MYT1L: variants seen among roughly 807,000 people sequenced by gnomAD.
MYT1L encodes the protein myelin transcription factor 1 like.
Under a neutral mutation model 126.7 loss-of-function variants are expected in MYT1L, and 12 were observed. That is an observed-to-expected ratio of 0.09 (90% CI 0.06 to 0.15). The LOEUF (loss-of-function observed/expected upper bound fraction) is 0.15, where lower values mean the gene tolerates loss of function less well. Ranked by LOEUF, MYT1L falls within the 10% of genes least tolerant of loss-of-function variation. MYT1L has a pLI of 1.00. For synonymous variants in MYT1L, 541 were observed against 604.2 expected (o/e 0.90, Z 1.53); for missense variants, 979 against 1,585.2 (o/e 0.62, Z 6.49).
chr2:2,268,963 G>A (rs1341427928), intron 2 of MYT1L, among the ~76,000 whole-genome samples: 1 of 152,168 alleles, frequency 6.6e-6, no homozygotes. Context: ...GCACACCTGA[G>A]CAGGTGTCTC....
chr2:1,853,844 A>G (rs1157889940), intron 18 of MYT1L, among the ~76,000 whole-genome samples: 1 of 152,234 alleles, frequency 6.6e-6, no homozygotes, highest in African/African-American at 2.4e-5. Context: ...ATTATAGCCA[A>G]ATAATTCAGT....
At chr2:1,956,191 GTCTATCTATCTATCTA>G (rs368487475) in intron 8 of MYT1L, among the ~76,000 whole-genome samples, 13 of 145,876 alleles carry the variant, frequency 8.9e-5, no homozygotes, top group Non-Finnish European at 1.9e-4. Flanking sequence ...TTACCTAGCT[GTCTATCTATCTATCTA>G]TCTATCTATC....
chr2:2,020,334 A>G (rs1480162271), intron 4 of MYT1L, among the ~76,000 whole-genome samples: 3 of 152,302 alleles, frequency 2.0e-5, no homozygotes, highest in South Asian at 2.1e-4. Context: ...ACACATACCT[A>G]TATTTCTCAA....
chr2:2,160,440 T>C (rs1263334959), intron 3 of MYT1L, among the ~76,000 whole-genome samples: 1 of 152,212 alleles, frequency 6.6e-6, no homozygotes, highest in African/African-American at 2.4e-5. Context: ...AAATTAAGAA[T>C]GATAGAGTAT....
At chr2:2,247,832 G>A (rs990015114) in intron 2 of MYT1L, among the ~76,000 whole-genome samples, 7 of 152,036 alleles carry the variant, frequency 4.6e-5, no homozygotes, top group Non-Finnish European at 8.8e-5. Flanking sequence ...AAACTTTCTT[G>A]AAACAAATGA....
chr2:2,020,035 A>G (rs1020015085), intron 4 of MYT1L, among the ~76,000 whole-genome samples: 14 of 151,888 alleles, frequency 9.2e-5, no homozygotes, highest in African/African-American at 3.4e-4. Flanking sequence ...TGTAGAGACG[A>G]GGTTTCACCA....
In MYT1L at chr2:1,922,214, T is replaced by G. The variant is rs1434408887; in HGVS notation, c.1483+72A>C. 3.2e-6 allele frequency: 5 copies of G among 1,549,996 alleles called. No individual in the cohort carries two copies. In the African/African-American group the frequency reaches 4.1e-5, roughly 13 times the overall value. The stretch of plus-strand genomic sequence containing the variant: ...TTCAGTGTGAGTCACACTTTAACTG[T>G]AGACTACCACCAACATCCTTTACCC... On this transcript the variant is annotated intron_variant, in intron 10 of 24. Coordinates refer to ENST00000647738, the MANE Select transcript of MYT1L (RefSeq NM_001303052.2). This position sits in a 1 kb window ranked among gnomAD's most constrained non-coding sequence, Gnocchi z 7.4.
chr2:1,843,720 G>A (rs1389368088), intron 19 of MYT1L, among the ~76,000 whole-genome samples: 1 of 152,102 alleles, frequency 6.6e-6, no homozygotes, highest in Non-Finnish European at 1.5e-5. Flanking sequence ...GGATTGCTGT[G>A]GGGGAAGCCG....
intron 8 of MYT1L, among the ~76,000 whole-genome samples, chr2:1,955,419 T>A (rs1434976825): frequency 6.6e-6 from 1 of 152,202 alleles, no homozygotes. Context: ...TACAATCACA[T>A]ATAAATATAT....
chr2:1,936,704 C>G (rs2055935509), intron 9 of MYT1L, among the ~76,000 whole-genome samples: 1 of 152,184 alleles, frequency 6.6e-6, no homozygotes. Flanking sequence ...CTTTCCTCAT[C>G]AGGGATATTT....
intron 8 of MYT1L, among the ~76,000 whole-genome samples, chr2:1,944,470 C>T (rs1445286731): frequency 6.6e-6 from 1 of 152,156 alleles, no homozygotes; most frequent in Non-Finnish European, 1.5e-5. Flanking sequence ...CATTATTCTG[C>T]AGGGTGAGAT....
intron 23 of MYT1L, among the ~76,000 whole-genome samples, chr2:1,800,703 CG>C (rs2034688780): frequency 6.6e-6 from 1 of 152,156 alleles, no homozygotes; most frequent in Non-Finnish European, 1.5e-5. Context: ...ATTTACAGAG[CG>C]GGGATAATAA....
At chr2:1,856,864 A>T (rs1572910493) in intron 18 of MYT1L, among the ~76,000 whole-genome samples, 1 of 152,248 alleles carries the variant, frequency 6.6e-6, no homozygotes, top group East Asian at 1.9e-4. Flanking sequence ...AAAACAAGGC[A>T]GAGACTCCTG....
At chr2:2,244,086 G>A (rs1047807298) in intron 2 of MYT1L, among the ~76,000 whole-genome samples, 2 of 152,026 alleles carry the variant, frequency 1.3e-5, no homozygotes, top group Admixed American at 6.5e-5. Flanking sequence ...TTTCTATTTC[G>A]ATCATGCATG....
intron 3 of MYT1L, among the ~76,000 whole-genome samples, chr2:2,103,057 T>C (rs2078293168): frequency 6.6e-6 from 1 of 152,084 alleles, no homozygotes; most frequent in Non-Finnish European, 1.5e-5. Flanking sequence ...AGCCTTCTGT[T>C]GCCATGGACA....
intron 2 of MYT1L, among the ~76,000 whole-genome samples, chr2:2,272,643 T>G (rs900291059): frequency 6.6e-6 from 1 of 152,168 alleles, no homozygotes; most frequent in Non-Finnish European, 1.5e-5. Context: ...TTCTCTGAAC[T>G]CCTGAAGCCC....
At chr2:1,926,916 ATC>A (rs1246723874) in intron 9 of MYT1L, among the ~76,000 whole-genome samples, 4 of 152,250 alleles carry the variant, frequency 2.6e-5, no homozygotes, top group Non-Finnish European at 5.9e-5. Flanking sequence ...AGAGCAATTT[ATC>A]AGGAAATTAT....
chr2:2,084,512 G>A (rs1044804235), intron 3 of MYT1L, among the ~76,000 whole-genome samples: 1 of 152,218 alleles, frequency 6.6e-6, no homozygotes, highest in African/African-American at 2.4e-5. Context: ...GCTAGGAGTG[G>A]AGAGGGCTCC....
At chr2:2,278,040 C>A (rs537913646) in intron 2 of MYT1L, among the ~76,000 whole-genome samples, 1 of 152,246 alleles carries the variant, frequency 6.6e-6, no homozygotes, top group Non-Finnish European at 1.5e-5. Flanking sequence ...TTTTCATATA[C>A]AAAATTAGAC....
Sources: allele counts gnomAD v4.1 joint callset (sites outside exome capture counted in the v4.1 genomes callset), GRCh38; gene constraint gnomAD v4.1.1; non-coding constraint Gnocchi (gnomAD v3.1); transcripts MANE v1.5; gene names NCBI Gene and HGNC (gene_info 2026-07-23, HGNC 2026-07-21).